Variants in PRDM16 observed in about 807,000 individuals in gnomAD.
PRDM16 encodes PR/SET domain 16, also known as histone-lysine N-methyltransferase PRDM16.
PRDM16 carries 23 observed loss-of-function variants against 110.6 expected under a neutral mutation model. That is an observed-to-expected ratio of 0.21 (90% CI 0.15 to 0.29). The LOEUF (loss-of-function observed/expected upper bound fraction) is 0.29. Ranked by LOEUF, PRDM16 falls within the 10% of genes least tolerant of loss-of-function variation. PRDM16 has a pLI of 1.00. For synonymous variants in PRDM16, 799 were observed against 781.8 expected (o/e 1.02, Z -0.37); for missense variants, 1,615 against 1,794.3 (o/e 0.90, Z 1.81).
chr1:3,228,771 C>T (rs1639346052), intron 2 of PRDM16, among the ~76,000 whole-genome samples: 3 of 152,214 alleles, frequency 2.0e-5, no homozygotes, highest in African/African-American at 7.2e-5. Flanking sequence ...TCCACCTGCA[C>T]TGTCCACCCA....
intron 2 of PRDM16, among the ~76,000 whole-genome samples, chr1:3,216,071 G>C (rs1235381245): frequency 1.3e-5 from 2 of 152,162 alleles, no homozygotes; most frequent in Admixed American, 1.3e-4. Flanking sequence ...GAAAACCCAA[G>C]TGTATGATGC....
In PRDM16 at chr1:3,435,326, T is replaced by G. The variant is rs1228105353; in HGVS notation, c.*1515T>G. On this transcript the variant is annotated 3_prime_UTR_variant, in exon 17 of 17. Coordinates refer to ENST00000270722, the MANE Select transcript of PRDM16 (RefSeq NM_022114.4). ...TTATTGTGAAGAAATAATGTTAATA[T>G]AAGTATCTGGTGAAGGACCAAAACC... 4.4e-6 allele frequency: 1 copy of G among 228,702 alleles called. No homozygotes were observed. Among genetic ancestry groups the G allele is most frequent in the African/African-American group, 2.2e-5 (1 of 45,038 alleles). The allele number at this position is 228,702 out of a possible 1,614,324, so 14.2% of individuals were successfully genotyped here. A position where few individuals can be genotyped will look rare whatever the true frequency, so the allele number is the denominator to read the frequency against.
At chr1:3,229,532 A>G (rs1161701780) in intron 2 of PRDM16, among the ~76,000 whole-genome samples, 3 of 152,148 alleles carry the variant, frequency 2.0e-5, no homozygotes, top group African/African-American at 7.2e-5. Context: ...GCCACCTCCC[A>G]TCTTCCCTGT....
chr1:3,320,390 A>C (rs1641713315), intron 3 of PRDM16, among the ~76,000 whole-genome samples: 1 of 152,160 alleles, frequency 6.6e-6, no homozygotes, highest in South Asian at 2.1e-4. Flanking sequence ...GTGAGTGAGA[A>C]TGTGGGGCTT....
rs1643285010 is a variant in PRDM16 at position 3,390,758 on chromosome 1, A to T, written c.573+5472A>T. Among the ~76,000 whole-genome samples, 1 of 151,374 alleles carries T rather than the reference A, an allele frequency of 6.6e-6. No individual in the cohort carries two copies. Among genetic ancestry groups the T allele is most frequent in the African/African-American group, 2.4e-5 (1 of 41,086 alleles). On this transcript the variant is annotated intron_variant, in intron 4 of 16. Coordinates refer to ENST00000270722, the MANE Select transcript of PRDM16 (RefSeq NM_022114.4). This position sits in a 1 kb window ranked among gnomAD's most constrained non-coding sequence, Gnocchi z 5.0. ...AGGGTTGCGGTTTTAAACAGAGGGC[A>T]TCCAACACCCATCATCTTGTTCTGC...
intron 1 of PRDM16, among the ~76,000 whole-genome samples, chr1:3,115,961 G>C (rs1642948251): frequency 6.6e-6 from 1 of 152,134 alleles, no homozygotes; most frequent in African/African-American, 2.4e-5. Context: ...GGCTGTCCAT[G>C]CCCCAGCCTC....
intron 1 of PRDM16, among the ~76,000 whole-genome samples, chr1:3,123,948 G>T (rs934841461): frequency 1.3e-5 from 2 of 152,246 alleles, no homozygotes; most frequent in Non-Finnish European, 2.9e-5. Flanking sequence ...CAGCTCAGCT[G>T]CAGTCAGCGT....
intron 3 of PRDM16, among the ~76,000 whole-genome samples, chr1:3,289,112 T>G (rs1640917430): frequency 6.6e-6 from 1 of 152,192 alleles, no homozygotes; most frequent in African/African-American, 2.4e-5. Flanking sequence ...GCCTTTTCCC[T>G]CCTGTGCTTG....
chr1:3,173,003 G>T (rs1644043160), intron 1 of PRDM16, among the ~76,000 whole-genome samples: 1 of 152,222 alleles, frequency 6.6e-6, no homozygotes, highest in South Asian at 2.1e-4. Flanking sequence ...CCAGATCTTA[G>T]CTCGTGGAGC....
intron 1 of PRDM16, among the ~76,000 whole-genome samples, chr1:3,144,756 G>A (rs74050131): frequency 0.013 from 1,963 of 152,306 alleles, 44 homozygotes; most frequent in African/African-American, 0.045. Context: ...CCAGTAAAGG[G>A]CTCTTTCTTT....
chr1:3,329,035 A>T (rs1641985763), intron 3 of PRDM16, among the ~76,000 whole-genome samples: 1 of 114,460 alleles, frequency 8.7e-6, no homozygotes, highest in African/African-American at 2.6e-5. Context: ...CAGGCGAGGA[A>T]TGGGCGCCTT....
At chr1:3,385,092 T>C in intron 3 of PRDM16, 60 bp from the exon 4 acceptor site, 1 of 1,600,936 alleles carries the variant, frequency 6.2e-7, no homozygotes, top group East Asian at 2.2e-5. Context: ...GGGCAGAGGC[T>C]GTGTGCAGAC....
chr1:3,349,756 C>T (rs1642444258), intron 3 of PRDM16, among the ~76,000 whole-genome samples: 1 of 152,202 alleles, frequency 6.6e-6, no homozygotes, highest in African/African-American at 2.4e-5. Context: ...GAGCTGTCTA[C>T]TGGGAGCTTT....
intron 1 of PRDM16, among the ~76,000 whole-genome samples, chr1:3,131,056 T>C (rs1643326175): frequency 6.6e-6 from 1 of 152,192 alleles, no homozygotes; most frequent in Non-Finnish European, 1.5e-5. Flanking sequence ...GGGAGGCCCC[T>C]GCCCTTGTCT....
chr1:3,178,488 G>C (rs1644115899), intron 1 of PRDM16, among the ~76,000 whole-genome samples: 1 of 152,238 alleles, frequency 6.6e-6, no homozygotes, highest in Admixed American at 6.5e-5. Flanking sequence ...TTCTCCCGGA[G>C]GCCGGGGCTC....
At chr1:3,273,975 G>GAAAAA (rs1569971594) in intron 3 of PRDM16, among the ~76,000 whole-genome samples, 2 of 76,484 alleles carry the variant, frequency 2.6e-5, no homozygotes, top group African/African-American at 2.1e-4. Context: ...GTATGGGGAG[G>GAAAAA]TAAAAAAAAA....
intron 2 of PRDM16, among the ~76,000 whole-genome samples, chr1:3,189,974 G>A (rs1027770259): frequency 6.6e-6 from 1 of 152,204 alleles, no homozygotes; most frequent in Non-Finnish European, 1.5e-5. Context: ...AAATGAGAAG[G>A]TCCAATTTCC....
chr1:3,180,391 G>A (rs924356529), intron 1 of PRDM16, among the ~76,000 whole-genome samples: 1 of 152,024 alleles, frequency 6.6e-6, no homozygotes, highest in Non-Finnish European at 1.5e-5. Context: ...TTGAAATCAC[G>A]TGGCTGGGTG....
intron 3 of PRDM16, among the ~76,000 whole-genome samples, chr1:3,342,863 A>G (rs1199920202): frequency 6.6e-6 from 1 of 152,190 alleles, no homozygotes; most frequent in East Asian, 1.9e-4. Context: ...GCATGGTATG[A>G]ATAGATCCCA....
Sources: allele counts gnomAD v4.1 joint callset (sites outside exome capture counted in the v4.1 genomes callset), GRCh38; gene constraint gnomAD v4.1.1; non-coding constraint Gnocchi (gnomAD v3.1); transcripts MANE v1.5; gene names NCBI Gene and HGNC (gene_info 2026-07-23, HGNC 2026-07-21).